AOAH: variants seen among roughly 807,000 people sequenced by gnomAD.
AOAH encodes acyloxyacyl hydrolase, also known as acyloxyacyl hydrolase (neutrophil).
Under a neutral mutation model 92.2 loss-of-function variants are expected in AOAH, and 64 were observed. That is an observed-to-expected ratio of 0.69 (90% CI 0.57 to 0.86). The LOEUF (loss-of-function observed/expected upper bound fraction) is 0.86, where lower values mean the gene tolerates loss of function less well. AOAH is among the 40% of genes least tolerant of loss of function. The pLI, the probability that AOAH is intolerant of heterozygous loss-of-function variation, is 0.00. For missense variants in AOAH, 656 were observed against 694.6 expected (o/e 0.94, Z 0.62); for synonymous variants, 263 against 254.5 (o/e 1.03, Z -0.32).
chr7:36,594,332 CACTT>C lies in AOAH; in HGVS notation c.938+3_938+6del, dbSNP rs975119802. 6.8e-6 allele frequency: 11 copies of C among 1,610,704 alleles called. No homozygotes were observed. Among genetic ancestry groups the C allele is most frequent in the Non-Finnish European group, 8.5e-6 (10 of 1,176,816 alleles). On this transcript the variant is annotated splice_donor_5th_base_variant and intron_variant, in intron 12 of 20. Transcript: ENST00000617537. ...TGAAATGTCTGAGGGTGCACAAAGA[CACTT>C]ACCCAACAGTGGAGTCCAGAAATCC...
chr7:36,513,193 T>A lies in AOAH; in HGVS notation c.*59A>T, dbSNP rs1583694592. On this transcript the variant is annotated 3_prime_UTR_variant, in exon 21 of 21. Coordinates refer to ENST00000617537, the MANE Select transcript of AOAH (RefSeq NM_001637.4). ...GGCAGCCCCCATAGGGTTTGTGGAA[T>A]GAGTTTACCCAAGCCTCTGCCTCCC... 6.2e-7 allele frequency: 1 copy of A among 1,614,126 alleles called. No individual in the cohort carries two copies. Among genetic ancestry groups the A allele is most frequent in the Non-Finnish European group, 8.5e-7 (1 of 1,180,010 alleles).
At chr7:36,721,825 C>T (rs1311117129) in intron 1 of AOAH, among the ~76,000 whole-genome samples, 1 of 152,200 alleles carries the variant, frequency 6.6e-6, no homozygotes, top group Non-Finnish European at 1.5e-5. Context: ...GGTGGAGGAA[C>T]TTGTGAATGC....
chr7:36,559,889 C>G (rs1263684720), intron 13 of AOAH, among the ~76,000 whole-genome samples: 1 of 152,130 alleles, frequency 6.6e-6, no homozygotes, highest in Non-Finnish European at 1.5e-5. Flanking sequence ...ATTCTTTAAT[C>G]CATTTGAGTC....
intron 13 of AOAH, among the ~76,000 whole-genome samples, chr7:36,559,313 A>C (rs1787083367): frequency 6.6e-6 from 1 of 152,224 alleles, no homozygotes; most frequent in South Asian, 2.1e-4. Flanking sequence ...GTTCTTTGAG[A>C]AATCTCCAAA....
intron 6 of AOAH, among the ~76,000 whole-genome samples, chr7:36,623,725 T>G (rs1283346854): frequency 1.3e-5 from 2 of 152,238 alleles, no homozygotes. Context: ...CTCCCATTCA[T>G]GAGTCTTGGA....
chr7:36,534,097 C>T (rs1784864331), intron 16 of AOAH, among the ~76,000 whole-genome samples: 1 of 152,182 alleles, frequency 6.6e-6, no homozygotes, highest in South Asian at 2.1e-4. Context: ...CACCTTCAGG[C>T]CTGGATTTCT....
chr7:36,574,769 C>T (rs909014848), intron 13 of AOAH, among the ~76,000 whole-genome samples: 9 of 151,948 alleles, frequency 5.9e-5, no homozygotes, highest in Admixed American at 2.6e-4. Flanking sequence ...AACAGAAAAG[C>T]GGAAAAAAAT....
Position 36,659,147 on chromosome 7 carries a change from A to C in AOAH, c.390+19T>G, listed in dbSNP as rs751859750. 6.3e-7 allele frequency: 1 copy of C among 1,585,338 alleles called. No homozygotes were observed. Among genetic ancestry groups the C allele is most frequent in the Non-Finnish European group, 8.7e-7 (1 of 1,153,676 alleles). On this transcript the variant is annotated intron_variant, in intron 4 of 20. Coordinates refer to ENST00000617537, the MANE Select transcript of AOAH (RefSeq NM_001637.4). ...TGCATGTCCCTGGAAACAGATGTTC[A>C]GAGTGATTACACACTCACCTTGGGA...
At chr7:36,582,204 C>T (rs1400949380) in intron 12 of AOAH, among the ~76,000 whole-genome samples, 1 of 152,172 alleles carries the variant, frequency 6.6e-6, no homozygotes, top group East Asian at 1.9e-4. Flanking sequence ...TTTTCTCTTT[C>T]TGCTCTGTTG....
chr7:36,522,168 A>T, intron 19 of AOAH, 53 bp from the exon 20 acceptor site: 1 of 1,565,378 alleles, frequency 6.4e-7, no homozygotes, highest in South Asian at 1.1e-5. Context: ...AGCAACGGCC[A>T]ATATCCAAGG....
Position 36,714,777 on chromosome 7 carries a change from A to G in AOAH, c.127+9245T>C, listed in dbSNP as rs555558526. 3.8e-4 allele frequency among the ~76,000 whole-genome samples: 58 copies of G among 152,292 alleles called. No individual in the cohort carries two copies. The South Asian group carries it at 9.7e-3, about 26-fold the overall frequency. On this transcript the variant is annotated intron_variant, in intron 1 of 20. Transcript: ENST00000617537. ...AAAAGGCCTTTGACAAAATTCAACA[A>G]CGCTTCATGCTAAAATCTCTCAATA...
At chr7:36,559,395 C>T (rs1034086538) in intron 13 of AOAH, among the ~76,000 whole-genome samples, 1 of 152,204 alleles carries the variant, frequency 6.6e-6, no homozygotes, top group Non-Finnish European at 1.5e-5. Flanking sequence ...TTCTCTGCAG[C>T]CATGTCAGCA....
intron 4 of AOAH, among the ~76,000 whole-genome samples, chr7:36,645,096 T>C (rs1340856222): frequency 1.3e-5 from 2 of 152,148 alleles, no homozygotes; most frequent in African/African-American, 4.8e-5. Flanking sequence ...AGTGCATAAA[T>C]AACTACAGCA....
chr7:36,634,967 A>ATAGGG (rs1427233593), intron 5 of AOAH, among the ~76,000 whole-genome samples: 1 of 152,176 alleles, frequency 6.6e-6, no homozygotes, highest in Non-Finnish European at 1.5e-5. Context: ...GGCAGATGAT[A>ATAGGG]TAGGGGCCCC....
At chr7:36,538,188 CT>C (rs537517554) in intron 16 of AOAH, among the ~76,000 whole-genome samples, 300 of 151,892 alleles carry the variant, frequency 2.0e-3, no homozygotes, top group African/African-American at 6.7e-3. Context: ...CCACCACACC[CT>C]GCTAATTTTT....
At chr7:36,685,084 G>A (rs1693677389) in intron 2 of AOAH, among the ~76,000 whole-genome samples, 1 of 151,968 alleles carries the variant, frequency 6.6e-6, no homozygotes, top group South Asian at 2.1e-4. Flanking sequence ...CTCTGATCAA[G>A]CTGCCAATTT....
intron 11 of AOAH, among the ~76,000 whole-genome samples, chr7:36,609,986 G>C (rs76768185): frequency 5.1e-4 from 77 of 152,136 alleles, no homozygotes; most frequent in Admixed American, 3.7e-3. Context: ...ATGGAAACAC[G>C]AGGTGTCTGA....
intron 20 of AOAH, among the ~76,000 whole-genome samples, chr7:36,517,916 AACACACACACACACCC>A (rs1371971391): frequency 1.5e-5 from 2 of 137,058 alleles, no homozygotes; most frequent in Non-Finnish European, 3.1e-5. Flanking sequence ...TTTATATCTG[AACACACACACACACCC>A]ACACACACAC....
intron 11 of AOAH, among the ~76,000 whole-genome samples, chr7:36,610,253 A>T (rs1791353928): frequency 6.6e-6 from 1 of 151,364 alleles, no homozygotes; most frequent in South Asian, 2.1e-4. Context: ...AGGTCATTAC[A>T]GAGCAGCAAT....
Sources: allele counts gnomAD v4.1 joint callset (sites outside exome capture counted in the v4.1 genomes callset), GRCh38; gene constraint gnomAD v4.1.1; transcripts MANE v1.5; gene names NCBI Gene and HGNC (gene_info 2026-07-23, HGNC 2026-07-21).